Variants in GLG1 observed in about 807,000 individuals in gnomAD.
GLG1 encodes golgi glycoprotein 1, also known as Golgi apparatus protein 1.
A neutral mutation model predicts 160.5 loss-of-function variants in GLG1; 38 were observed. The observed-to-expected ratio is 0.24, with a 90% confidence interval of 0.18 to 0.31. The LOEUF is 0.31. Ranked by LOEUF, GLG1 falls within the 10% of genes least tolerant of loss-of-function variation. The pLI, the probability that GLG1 is intolerant of heterozygous loss-of-function variation, is 1.00. For missense variants in GLG1, 1,373 were observed against 1,505.2 expected, an observed-to-expected ratio of 0.91 and a Z score of 1.45; for synonymous variants, 644 against 543.4, an observed-to-expected ratio of 1.19 and a Z score of -2.57.
intron 1 of GLG1, among the ~76,000 whole-genome samples, chr16:74,533,610 G>A (rs1457914889): frequency 9.2e-5 from 14 of 151,566 alleles, no homozygotes; most frequent in South Asian, 2.1e-4. Flanking sequence ...ATGAAACCCC[G>A]TCTCCAGTAA....
chr16:74,490,499 G>A (rs1174062234), intron 8 of GLG1, among the ~76,000 whole-genome samples: 4 of 152,166 alleles, frequency 2.6e-5, no homozygotes, highest in Non-Finnish European at 4.4e-5. Context: ...AAAATGACAT[G>A]CTCTCTTGAT....
At chr16:74,500,964 A>G in intron 4 of GLG1, among the ~76,000 whole-genome samples, 1 of 152,218 alleles carries the variant, frequency 6.6e-6, no homozygotes, top group East Asian at 1.9e-4. Context: ...ATACAAAGGC[A>G]AGGTACAAAC....
At chr16:74,499,998 G>A (rs755525009) in intron 4 of GLG1, among the ~76,000 whole-genome samples, 1 of 152,078 alleles carries the variant, frequency 6.6e-6, no homozygotes, top group East Asian at 1.9e-4. Context: ...GTGAGACTCC[G>A]TCTCAACAAC....
chr16:74,518,094 G>T (rs546848967), intron 2 of GLG1, among the ~76,000 whole-genome samples: 10 of 152,216 alleles, frequency 6.6e-5, no homozygotes, highest in Non-Finnish European at 1.2e-4. Context: ...GTGGATAGAA[G>T]AATCAATATC....
chr16:74,463,700 C>T lies in GLG1; in HGVS notation c.2668-221G>A, dbSNP rs547876798. On this transcript the variant is annotated intron_variant, in intron 19 of 25. Transcript: ENST00000422840. ...CTGAGTAGCGGGGATTACAGGCGTGCGTCACCACGCCCAGCTCATTTTTGT... is the reference window on the plus strand; with the variant it reads ...CTGAGTAGCGGGGATTACAGGCGTGTGTCACCACGCCCAGCTCATTTTTGT... Among the ~76,000 whole-genome samples the T allele has an allele frequency of 5.3e-5, 8 of 151,042 alleles. No homozygotes were observed. The South Asian group carries it at 6.4e-4, about 12-fold the overall frequency.
chr16:74,527,368 GCCT>G (rs1182376786), intron 2 of GLG1, among the ~76,000 whole-genome samples: 2 of 149,474 alleles, frequency 1.3e-5, no homozygotes, highest in East Asian at 4.0e-4. Context: ...TCACGCCTTG[GCCT>G]CCTGAGTAGC....
intron 1 of GLG1, among the ~76,000 whole-genome samples, chr16:74,580,212 A>G (rs1242740341): frequency 6.6e-6 from 1 of 152,076 alleles, no homozygotes; most frequent in African/African-American, 2.4e-5. Context: ...ACGCCTGTGC[A>G]GTGGTTTATA....
In GLG1 at chr16:74,451,987, T is replaced by G. The variant is rs1045273841; in HGVS notation, c.*1180A>C. The G allele has an allele frequency of 3.5e-6, 4 of 1,143,454 alleles. No individual in the cohort carries two copies. In the South Asian group the frequency reaches 4.9e-5, roughly 14 times the overall value. The allele number at this position is 1,143,454 out of a possible 1,614,324, so 70.8% of individuals were successfully genotyped here. ...CCTCCATCTTTTAATGTGATAACTT[T>G]CCACACCCTCTCCACGTAGAGGCAC... On this transcript the variant is annotated 3_prime_UTR_variant, in exon 26 of 26. Transcript: ENST00000422840.
At chr16:74,497,434 CTTTTTTTTT>C (rs773526380) in intron 4 of GLG1, among the ~76,000 whole-genome samples, 2 of 117,142 alleles carry the variant, frequency 1.7e-5, no homozygotes, top group East Asian at 2.3e-4. Flanking sequence ...ACAGTGCTTG[CTTTTTTTTT>C]TTTTTTTTTT....
At chr16:74,576,236 T>TCATA (rs879799526) in intron 1 of GLG1, among the ~76,000 whole-genome samples, 39 of 151,880 alleles carry the variant, frequency 2.6e-4, no homozygotes, top group African/African-American at 4.6e-4. Context: ...GTCTGTGGTG[T>TCATA]CATACATACA....
chr16:74,478,013 T>TAAATAAATAAATTAAA (rs548461001), intron 11 of GLG1, among the ~76,000 whole-genome samples: 1 of 150,406 alleles, frequency 6.6e-6, no homozygotes, highest in South Asian at 2.1e-4. Flanking sequence ...AATAAATAAA[T>TAAATAAATAAATTAAA]AAAATGTGCA....
chr16:74,485,032 A>G (rs1437001365), intron 9 of GLG1, among the ~76,000 whole-genome samples: 2 of 151,740 alleles, frequency 1.3e-5, no homozygotes, highest in African/African-American at 2.4e-5. Context: ...TCCCACATCA[A>G]CCTCCCAAGG....
intron 4 of GLG1, among the ~76,000 whole-genome samples, chr16:74,502,117 G>A (rs959986382): frequency 1.3e-5 from 2 of 152,168 alleles, no homozygotes; most frequent in Non-Finnish European, 2.9e-5. Flanking sequence ...CAAATAGAGG[G>A]CAAAGGGACA....
At chr16:74,587,034 C>T (rs1288509680) in intron 1 of GLG1, among the ~76,000 whole-genome samples, 4 of 152,148 alleles carry the variant, frequency 2.6e-5, no homozygotes, top group Non-Finnish European at 5.9e-5. Context: ...CCCATTCCTT[C>T]CCACATTTAA....
chr16:74,548,467 C>T (rs1276760128), intron 1 of GLG1, among the ~76,000 whole-genome samples: 1 of 152,148 alleles, frequency 6.6e-6, no homozygotes, highest in East Asian at 1.9e-4. Flanking sequence ...AGGCAGTAAC[C>T]ACAGCTTGGC....
At chr16:74,541,173 G>T (rs2017855230) in intron 1 of GLG1, among the ~76,000 whole-genome samples, 1 of 151,600 alleles carries the variant, frequency 6.6e-6, no homozygotes, top group Admixed American at 6.6e-5. Flanking sequence ...AAAATACAAA[G>T]ATTAGCCAGG....
At chr16:74,605,459 A>G (rs192582959) in intron 1 of GLG1, among the ~76,000 whole-genome samples, 1 of 152,306 alleles carries the variant, frequency 6.6e-6, no homozygotes, top group Admixed American at 6.5e-5. Context: ...GAAAATTCCA[A>G]AAAGTTCGAC....
intron 5 of GLG1, 63 bp from the exon 6 acceptor site, chr16:74,494,894 A>G (rs1340033160): frequency 7.3e-6 from 6 of 819,674 alleles, no homozygotes; most frequent in Non-Finnish European, 1.3e-5. Flanking sequence ...AACATTATCC[A>G]CAATCTCATA....
chr16:74,469,562 T>C (rs2015122860), intron 16 of GLG1: 1 of 186,820 alleles, frequency 5.4e-6, no homozygotes, highest in Non-Finnish European at 1.1e-5. Flanking sequence ...AAGACTTAAT[T>C]CTTAAATGAA....
Sources: allele counts gnomAD v4.1 joint callset (sites outside exome capture counted in the v4.1 genomes callset), GRCh38; gene constraint gnomAD v4.1.1; transcripts MANE v1.5; gene names NCBI Gene and HGNC (gene_info 2026-07-23, HGNC 2026-07-21).